Variants in XKR6 observed in about 807,000 individuals in gnomAD.
XKR6 encodes XK-related protein 6.
XKR6 carries 22 observed loss-of-function variants against 56.7 expected under a neutral mutation model. The ratio of observed to expected loss-of-function variants is 0.39; its 90% CI spans 0.28 to 0.55. The LOEUF is 0.55. Ranked by LOEUF, XKR6 falls within the 20% of genes least tolerant of loss-of-function variation. The probability of loss-of-function intolerance (pLI) is 0.66; values close to 1 mark genes in which losing one functional copy is unlikely to be tolerated. For missense variants in XKR6, 852 were observed against 889.0 expected, an observed-to-expected ratio of 0.96 and a Z score of 0.53; for synonymous variants, 524 against 387.8, an observed-to-expected ratio of 1.35 and a Z score of -4.13.
chr8:11,000,410 G>C (rs1798211268), intron 1 of XKR6, among the ~76,000 whole-genome samples: 1 of 152,220 alleles, frequency 6.6e-6, no homozygotes, highest in Non-Finnish European at 1.5e-5. Context: ...ATTAGGCCAG[G>C]TGTGGTAGCT....
chr8:11,101,973 G>C (rs1434889851), intron 1 of XKR6, among the ~76,000 whole-genome samples: 2 of 152,152 alleles, frequency 1.3e-5, no homozygotes, highest in Non-Finnish European at 2.9e-5. Flanking sequence ...TGTCACGGAT[G>C]CCATCTGAGA....
At chr8:11,186,219 C>T (rs886713621) in intron 1 of XKR6, among the ~76,000 whole-genome samples, 1 of 150,990 alleles carries the variant, frequency 6.6e-6, no homozygotes, top group Non-Finnish European at 1.5e-5. Flanking sequence ...CTGGAAGGTA[C>T]CTGATCTACA....
At position 10,932,978 on chromosome 8, in the gene XKR6, C is replaced by T. The variant is rs1441605790; in HGVS notation, c.765-8148G>A. Among the ~76,000 whole-genome samples, 3 of 150,870 alleles carry T rather than the reference C, an allele frequency of 2.0e-5. No individual in the cohort carries two copies. The East Asian group carries it at 5.8e-4, about 29-fold the overall frequency. On this transcript the variant is annotated intron_variant, in intron 1 of 2. Transcript: ENST00000416569. ...CCTGGGTCAAATGGTATTTCTAGTT[C>T]TAGATCCCTGAGGAATCCCCACACT...
chr8:11,117,511 A>C (rs751428321), intron 1 of XKR6, among the ~76,000 whole-genome samples: 2 of 152,236 alleles, frequency 1.3e-5, no homozygotes, highest in Non-Finnish European at 2.9e-5. Flanking sequence ...GGGAAACTTA[A>C]GGCAGCATCT....
At chr8:11,002,501 G>A (rs750569585) in intron 1 of XKR6, 6 of 362,662 alleles carry the variant, frequency 1.7e-5, no homozygotes, top group Admixed American at 3.1e-5. Flanking sequence ...AAAGCCAACC[G>A]ATACACTGAG....
chr8:11,075,639 C>T (rs192347940), intron 1 of XKR6, among the ~76,000 whole-genome samples: 7 of 152,270 alleles, frequency 4.6e-5, no homozygotes, highest in African/African-American at 1.7e-4. Flanking sequence ...AATCCCAGCA[C>T]TTTGGGAGGC....
At chr8:10,970,925 G>A (rs1802390885) in intron 1 of XKR6, among the ~76,000 whole-genome samples, 1 of 151,752 alleles carries the variant, frequency 6.6e-6, no homozygotes, top group Non-Finnish European at 1.5e-5. Context: ...CTCTCCTAAG[G>A]AGAATCTGAA....
At chr8:10,916,081 G>A (rs975576699) in intron 2 of XKR6, among the ~76,000 whole-genome samples, 8 of 152,376 alleles carry the variant, frequency 5.3e-5, no homozygotes, top group African/African-American at 1.7e-4. Context: ...GATCAGCACT[G>A]TGAGCCATGG....
chr8:10,954,496 T>G (rs1335606380), intron 1 of XKR6, among the ~76,000 whole-genome samples: 2 of 152,226 alleles, frequency 1.3e-5, no homozygotes, highest in African/African-American at 4.8e-5. Flanking sequence ...TTTTGTCCAT[T>G]TATTAATTGG....
In XKR6 at chr8:11,123,855, C is replaced by T. The variant is rs1214753074; in HGVS notation, c.764+76721G>A. Reference sequence around the variant, plus strand: ...CAAGGCAGTTCCAGTGTCCCGTGGTCCCCACCTGGCACCTGCACTGTGCTC... The same window carrying T: ...CAAGGCAGTTCCAGTGTCCCGTGGTTCCCACCTGGCACCTGCACTGTGCTC... On this transcript the variant is annotated intron_variant, in intron 1 of 2. Coordinates refer to ENST00000416569, the MANE Select transcript of XKR6 (RefSeq NM_173683.4). 5 of 456,288 alleles carry T rather than the reference C, an allele frequency of 1.1e-5. No homozygotes were observed. In the Admixed American group the frequency reaches 1.2e-4, roughly 11 times the overall value. The allele number at this position is 456,288 out of a possible 1,614,324, so 28.3% of individuals were successfully genotyped here. A position where few individuals can be genotyped will look rare whatever the true frequency, so the allele number is the denominator to read the frequency against.
intron 1 of XKR6, chr8:11,105,230 G>A (rs1410299518): frequency 6.6e-6 from 1 of 152,144 alleles, no homozygotes. Flanking sequence ...CAGTAAAAAA[G>A]AATGTATATC....
At chr8:10,922,767 A>G (rs549086461) in intron 2 of XKR6, among the ~76,000 whole-genome samples, 1 of 152,270 alleles carries the variant, frequency 6.6e-6, no homozygotes, top group South Asian at 2.1e-4. Flanking sequence ...TGTGTTCCCA[A>G]GCTCTTCTCA....
At chr8:11,030,386 C>G (rs1354101438) in intron 1 of XKR6, among the ~76,000 whole-genome samples, 4 of 152,216 alleles carry the variant, frequency 2.6e-5, no homozygotes, top group Admixed American at 2.6e-4. Flanking sequence ...AAACAACAGG[C>G]CTCTCTTGGT....
intron 1 of XKR6, among the ~76,000 whole-genome samples, chr8:11,091,665 T>A (rs543056823): frequency 2.0e-5 from 3 of 152,014 alleles, no homozygotes; most frequent in Non-Finnish European, 4.4e-5. Context: ...GTGTTAAGTC[T>A]TACAGAGGAG....
At chr8:11,094,574 G>T (rs1460705380) in intron 1 of XKR6, among the ~76,000 whole-genome samples, 1 of 152,106 alleles carries the variant, frequency 6.6e-6, no homozygotes, top group African/African-American at 2.4e-5. Context: ...GACTTCTCCT[G>T]GGAACCCTCT....
chr8:10,927,193 T>C (rs1800914385), intron 1 of XKR6, among the ~76,000 whole-genome samples: 1 of 152,104 alleles, frequency 6.6e-6, no homozygotes, highest in South Asian at 2.1e-4. Flanking sequence ...TGATCAACCG[T>C]GATGGCAGTG....
intron 2 of XKR6, among the ~76,000 whole-genome samples, chr8:10,909,024 G>A (rs1420263027): frequency 6.6e-6 from 1 of 152,126 alleles, no homozygotes; most frequent in African/African-American, 2.4e-5. Flanking sequence ...AATTTAGCCG[G>A]GTGTGGTGGC....
intron 1 of XKR6, among the ~76,000 whole-genome samples, chr8:11,173,355 A>G (rs1368377209): frequency 2.1e-5 from 3 of 145,032 alleles, no homozygotes; most frequent in East Asian, 1.9e-4. Context: ...AAAAAAATAT[A>G]TATATATATA....
intron 1 of XKR6, among the ~76,000 whole-genome samples, chr8:11,050,126 C>T (rs1010152358): frequency 2.0e-5 from 3 of 152,186 alleles, no homozygotes; most frequent in African/African-American, 4.8e-5. Flanking sequence ...GGATTCCCCT[C>T]CTACTCCCAG....
Sources: allele counts gnomAD v4.1 joint callset (sites outside exome capture counted in the v4.1 genomes callset), GRCh38; gene constraint gnomAD v4.1.1; transcripts MANE v1.5; gene names NCBI Gene and HGNC (gene_info 2026-07-23, HGNC 2026-07-21).